The following VAV2 variants were observed in gnomAD, a reference collection of about 807,000 sequenced individuals.
VAV2 encodes the protein vav guanine nucleotide exchange factor 2, also known as guanine nucleotide exchange factor VAV2.
In VAV2, 67 loss-of-function variants were observed where a neutral mutation model predicts 132.5. The ratio of observed to expected loss-of-function variants is 0.51; its 90% CI spans 0.42 to 0.62. The LOEUF (loss-of-function observed/expected upper bound fraction) is 0.62. VAV2 is among the 20% of genes least tolerant of loss of function. The pLI is 0.00. For synonymous variants in VAV2, 492 were observed against 443.5 expected (o/e 1.11, Z -1.37); for missense variants, 938 against 1,153.6 (o/e 0.81, Z 2.71).
chr9:133,874,686 C>A (rs989885729), intron 2 of VAV2, among the ~76,000 whole-genome samples: 1 of 152,150 alleles, frequency 6.6e-6, no homozygotes, highest in Admixed American at 6.5e-5. Flanking sequence ...TGTCTTGCCC[C>A]CTCCAAGAAC....
At chr9:133,787,372 C>T (rs1467614338) in intron 15 of VAV2, 112 bp from the exon 16 acceptor site, 4 of 1,220,636 alleles carry the variant, frequency 3.3e-6, no homozygotes, top group East Asian at 2.8e-5. Flanking sequence ...AGGTGGAACA[C>T]CCCCCAGTGC....
rs752528032 is a variant in VAV2, at chr9:133,764,085, C to G, written c.2614G>C (p.Val872Leu). The change falls in exon 30 of 30, where the codon GTA becomes CTA. Residue 872 changes from valine (V) to leucine (L), a missense_variant. Val to Leu is a conservative substitution (Grantham distance 32, BLOSUM62 1). Transcript: ENST00000371850. ...CGTCACTGGATGCCCTCCTCTTCTACGTACGTTGAAGGAAACCAGCCAATC... is the reference window on the plus strand; with the variant it reads ...CGTCACTGGATGCCCTCCTCTTCTAGGTACGTTGAAGGAAACCAGCCAATC... ...GRIGWFPSTY[V>L]EEEGIQ is the part of the protein sequence containing the mutation. The G allele has an allele frequency of 1.9e-6, 3 of 1,613,882 alleles. No individual in the cohort carries two copies. The highest frequency in any genetic ancestry group is 1.3e-5 in the African/African-American group (1 of 74,944).
chr9:133,771,521 G>T (rs1333214443), intron 26 of VAV2, among the ~76,000 whole-genome samples: 1 of 152,212 alleles, frequency 6.6e-6, no homozygotes, highest in East Asian at 1.9e-4. Flanking sequence ...CAAGGACTAT[G>T]CCTCTAACTG....
At chr9:133,975,620 G>A (rs1842479462) in intron 1 of VAV2, among the ~76,000 whole-genome samples, 1 of 152,062 alleles carries the variant, frequency 6.6e-6, no homozygotes, top group African/African-American at 2.4e-5. Flanking sequence ...AGGACACAAA[G>A]TCTAGCTCCC....
chr9:133,789,191 G>T, intron 14 of VAV2, 67 bp downstream of exon 14: 1 of 1,560,006 alleles, frequency 6.4e-7, no homozygotes, highest in Non-Finnish European at 8.8e-7. Context: ...CTTAGGAGTG[G>T]CTCCCTGGGA....
rs752493310 is a variant in VAV2 at position 133,777,368 on chromosome 9, CT to C, written c.1965+20del. ...CACCCAGGCCACCGTGCTCCAGAAG[CT>C]TCTGTGGGAAAGGACTCACCCTTCC... On this transcript the variant is annotated intron_variant, in intron 23 of 29. Transcript: ENST00000371850. 7 of 1,613,006 alleles carry C rather than the reference CT, an allele frequency of 4.3e-6. No individual in the cohort carries two copies. Among genetic ancestry groups the C allele is most frequent in the Non-Finnish European group, 5.9e-6 (7 of 1,179,634 alleles).
rs1588173710 is a variant in VAV2 at position 133,787,790 on chromosome 9, C to T, written c.1408-530G>A. Among the ~76,000 whole-genome samples the T allele has an allele frequency of 4.6e-5, 7 of 152,088 alleles. No homozygotes were observed. In the South Asian group the frequency reaches 1.5e-3, roughly 32 times the overall value. Reference sequence around the variant, plus strand: ...GGCCCCACCCGCTGGCAGCCACAGGCCCACCTCTGCAGTCCTGGCCCCGCC... The same window carrying T: ...GGCCCCACCCGCTGGCAGCCACAGGTCCACCTCTGCAGTCCTGGCCCCGCC... On this transcript the variant is annotated intron_variant, in intron 15 of 29. Transcript: ENST00000371850.
intron 1 of VAV2, among the ~76,000 whole-genome samples, chr9:133,954,994 G>A (rs1841703817): frequency 6.6e-6 from 1 of 152,092 alleles, no homozygotes; most frequent in Admixed American, 6.5e-5. Context: ...TGCGTGCAAT[G>A]AATGCAAGTG....
At chr9:133,819,860 G>C (rs1835716475) in intron 4 of VAV2, among the ~76,000 whole-genome samples, 1 of 152,128 alleles carries the variant, frequency 6.6e-6, no homozygotes, top group Non-Finnish European at 1.5e-5. Context: ...ATGAGAGAGG[G>C]AGAAATAAAG....
intron 3 of VAV2, among the ~76,000 whole-genome samples, chr9:133,848,611 G>A (rs996276299): frequency 4.6e-5 from 7 of 152,238 alleles, no homozygotes; most frequent in Non-Finnish European, 8.8e-5. Flanking sequence ...CTCTCTTGTC[G>A]AAACGCCGCT....
intron 3 of VAV2, among the ~76,000 whole-genome samples, chr9:133,837,541 A>T (rs1836517903): frequency 6.6e-6 from 1 of 152,074 alleles, no homozygotes; most frequent in Non-Finnish European, 1.5e-5. Context: ...TACTAAAAAT[A>T]CAAAAAAATT....
At chr9:133,910,643 T>C (rs1407172499) in intron 2 of VAV2, among the ~76,000 whole-genome samples, 1 of 62,594 alleles carries the variant, frequency 1.6e-5, no homozygotes, top group Admixed American at 1.8e-4. Flanking sequence ...ACCCCGACTC[T>C]ACTAAAAAAA....
intron 6 of VAV2, 125 bp downstream of exon 6, chr9:133,810,066 G>A: frequency 5.8e-6 from 8 of 1,377,092 alleles, no homozygotes; most frequent in Non-Finnish European, 8.0e-6. Flanking sequence ...GAAGTCATGT[G>A]TGCCTGACCA....
chr9:133,787,120 C>T (rs540332949), intron 16 of VAV2, 126 bp downstream of exon 16: 29 of 1,096,094 alleles, frequency 2.6e-5, no homozygotes, highest in South Asian at 8.5e-5. Context: ...GAGTGGAGGA[C>T]GAAGGACCAA....
intron 19 of VAV2, among the ~76,000 whole-genome samples, chr9:133,782,331 A>C (rs1257154901): frequency 2.0e-5 from 3 of 152,078 alleles, no homozygotes; most frequent in African/African-American, 7.2e-5. Context: ...GGGACATGCG[A>C]CCACGAGAGG....
intron 2 of VAV2, among the ~76,000 whole-genome samples, chr9:133,922,664 G>T (rs747482693): frequency 3.9e-5 from 6 of 152,180 alleles, no homozygotes; most frequent in Non-Finnish European, 5.9e-5. Flanking sequence ...GATGCAGGTG[G>T]ATCCTTATCT....
chr9:133,788,505 C>G lies in VAV2; in HGVS notation c.1275-19G>C, dbSNP rs199877332. 2 of 1,601,254 alleles carry G rather than the reference C, an allele frequency of 1.2e-6. No individual in the cohort carries two copies. The highest frequency in any genetic ancestry group is 1.7e-6 in the Non-Finnish European group (2 of 1,169,974). ...CAAGTACCTGGGCCAGGCAGCGCAG[C>G]GGGGGATCAGCACCCCAGCACTGTG... On this transcript the variant is annotated intron_variant, in intron 14 of 29. Transcript: ENST00000371850. This position sits in a 1 kb window ranked among gnomAD's most constrained non-coding sequence, Gnocchi z 5.3.
At chr9:133,904,050 CCT>C (rs1198813939) in intron 2 of VAV2, among the ~76,000 whole-genome samples, 3 of 152,220 alleles carry the variant, frequency 2.0e-5, no homozygotes, top group African/African-American at 4.8e-5. Context: ...AACTTAAAAT[CCT>C]CTTACTGGGA....
intron 6 of VAV2, 96 bp downstream of exon 6, chr9:133,810,095 G>A: frequency 6.4e-7 from 1 of 1,561,222 alleles, no homozygotes; most frequent in South Asian, 1.1e-5. Context: ...TGGGGGCAGG[G>A]TCCCGAGTTT....
Sources: allele counts gnomAD v4.1 joint callset (sites outside exome capture counted in the v4.1 genomes callset), GRCh38; gene constraint gnomAD v4.1.1; non-coding constraint Gnocchi (gnomAD v3.1); transcripts MANE v1.5; gene names NCBI Gene and HGNC (gene_info 2026-07-23, HGNC 2026-07-21).